Variants in MSI2 observed in about 807,000 individuals in gnomAD.
MSI2 encodes the protein musashi RNA binding protein 2.
A neutral mutation model predicts 45.6 loss-of-function variants in MSI2; 17 were observed. The ratio of observed to expected loss-of-function variants is 0.37; its 90% CI spans 0.26 to 0.56. The LOEUF is 0.56. Among genes scored for constraint, MSI2 ranks in the 20% least tolerant of loss-of-function variants. The pLI is 0.77. For missense variants in MSI2, 293 were observed against 444.2 expected, an observed-to-expected ratio of 0.66 and a Z score of 3.06; for synonymous variants, 156 against 158.2, an observed-to-expected ratio of 0.99 and a Z score of 0.11.
chr17:57,524,395 T>A (rs1327538209), intron 6 of MSI2, among the ~76,000 whole-genome samples: 1 of 152,226 alleles, frequency 6.6e-6, no homozygotes, highest in African/African-American at 2.4e-5. Flanking sequence ...TGTCTTTTAT[T>A]TGTACTTAGG....
chr17:57,539,184 A>T (rs1408059111), intron 7 of MSI2, among the ~76,000 whole-genome samples: 2 of 143,454 alleles, frequency 1.4e-5, no homozygotes, highest in Non-Finnish European at 1.5e-5. Context: ...TACTTTTTGA[A>T]TTTTTTTTTT....
At chr17:57,456,391 C>T (rs370257247) in intron 6 of MSI2, among the ~76,000 whole-genome samples, 13 of 152,306 alleles carry the variant, frequency 8.5e-5, no homozygotes, top group African/African-American at 2.9e-4. Context: ...GGGTGGATCA[C>T]GAGATCAGGA....
At chr17:57,439,403 G>T (rs2143450748) in intron 6 of MSI2, among the ~76,000 whole-genome samples, 1 of 152,276 alleles carries the variant, frequency 6.6e-6, no homozygotes, top group Admixed American at 6.5e-5. Flanking sequence ...CACTTCCTTG[G>T]CTGTTGGTAG....
intron 10 of MSI2, among the ~76,000 whole-genome samples, chr17:57,636,843 G>A (rs1393073162): frequency 6.6e-6 from 1 of 152,216 alleles, no homozygotes; most frequent in Non-Finnish European, 1.5e-5. Context: ...GCAATGGCTG[G>A]TTTCTTGCTA....
chr17:57,302,628 T>TG (rs1234097646), intron 5 of MSI2, among the ~76,000 whole-genome samples: 1 of 152,218 alleles, frequency 6.6e-6, no homozygotes, highest in Non-Finnish European at 1.5e-5. Context: ...TGTCTGGGGA[T>TG]GGAATCAGAC....
intron 12 of MSI2, among the ~76,000 whole-genome samples, chr17:57,675,781 C>A (rs1377860235): frequency 6.6e-6 from 1 of 152,196 alleles, no homozygotes; most frequent in African/African-American, 2.4e-5. Flanking sequence ...TAGCTGCAGC[C>A]TCCACCCCTT....
chr17:57,667,755 C>A (rs186953548), intron 11 of MSI2, among the ~76,000 whole-genome samples: 2 of 152,174 alleles, frequency 1.3e-5, no homozygotes, highest in Admixed American at 1.3e-4. Context: ...CTGCTCCATC[C>A]CCAGAATTTA....
intron 6 of MSI2, among the ~76,000 whole-genome samples, chr17:57,416,843 T>C (rs1051870713): frequency 3.9e-5 from 6 of 152,176 alleles, no homozygotes; most frequent in African/African-American, 1.2e-4. Flanking sequence ...AGGTCTCTTA[T>C]CAGCTGCTGT....
chr17:57,623,984 G>C (rs1391863235), intron 9 of MSI2, among the ~76,000 whole-genome samples: 1 of 152,210 alleles, frequency 6.6e-6, no homozygotes, highest in Non-Finnish European at 1.5e-5. Context: ...TCATCTTTGT[G>C]GTTTGGGAGA....
chr17:57,454,914 T>C (rs1567833772), intron 6 of MSI2, among the ~76,000 whole-genome samples: 1 of 152,168 alleles, frequency 6.6e-6, no homozygotes. Flanking sequence ...CATCTGGGGC[T>C]TCACCTCATC....
intron 11 of MSI2, among the ~76,000 whole-genome samples, chr17:57,672,599 G>C (rs531012153): frequency 6.6e-6 from 1 of 152,254 alleles, no homozygotes; most frequent in East Asian, 1.9e-4. Context: ...CACCTTCCTG[G>C]GTTCACATCC....
At chr17:57,360,327 A>C (rs890773422) in intron 5 of MSI2, among the ~76,000 whole-genome samples, 2 of 152,260 alleles carry the variant, frequency 1.3e-5, no homozygotes, top group Non-Finnish European at 2.9e-5. Context: ...TAATAGGTGA[A>C]ACTTTTTCTC....
intron 8 of MSI2, chr17:57,601,197 G>A (rs1183132739): frequency 6.6e-6 from 1 of 152,228 alleles, no homozygotes; most frequent in Non-Finnish European, 1.5e-5. Flanking sequence ...CTAGGGAGAA[G>A]GACCACGCTT....
intron 7 of MSI2, among the ~76,000 whole-genome samples, chr17:57,565,029 A>G (rs560807210): frequency 5.9e-5 from 9 of 152,302 alleles, no homozygotes; most frequent in African/African-American, 2.2e-4. Context: ...TGCCTTATTT[A>G]ATCCTCACAG....
At chr17:57,603,261 C>A (rs943843468) in intron 8 of MSI2, among the ~76,000 whole-genome samples, 1 of 152,212 alleles carries the variant, frequency 6.6e-6, no homozygotes, top group East Asian at 1.9e-4. Flanking sequence ...GCAGAAGACA[C>A]GTGAGGCATG....
chr17:57,295,049 G>A (rs866856187), intron 5 of MSI2, among the ~76,000 whole-genome samples: 8 of 152,190 alleles, frequency 5.3e-5, no homozygotes, highest in African/African-American at 1.4e-4. Context: ...GCTTCATAGA[G>A]GAAGTGGCAT....
At chr17:57,518,803 C>T (rs1005730165) in intron 6 of MSI2, among the ~76,000 whole-genome samples, 1 of 152,232 alleles carries the variant, frequency 6.6e-6, no homozygotes, top group Non-Finnish European at 1.5e-5. Flanking sequence ...GAACACGGGC[C>T]TGGATTTCCA....
chr17:57,523,160 G>A (rs888396600), intron 6 of MSI2, among the ~76,000 whole-genome samples: 1 of 151,350 alleles, frequency 6.6e-6, no homozygotes. Flanking sequence ...CAATTCTCCT[G>A]CCTCAGCCTC....
At chr17:57,457,809 T>C (rs988494872) in intron 6 of MSI2, among the ~76,000 whole-genome samples, 1 of 152,164 alleles carries the variant, frequency 6.6e-6, no homozygotes, top group Non-Finnish European at 1.5e-5. Flanking sequence ...CTCAGGTGGC[T>C]GAAGTGGGAG....
Sources: allele counts gnomAD v4.1 joint callset (sites outside exome capture counted in the v4.1 genomes callset), GRCh38; gene constraint gnomAD v4.1.1; transcripts MANE v1.5; gene names NCBI Gene and HGNC (gene_info 2026-07-23, HGNC 2026-07-21).